IFFO2: variants seen among roughly 807,000 people sequenced by gnomAD.
The protein encoded by IFFO2 is intermediate filament family orphan 2.
A neutral mutation model predicts 53.5 loss-of-function variants in IFFO2; 19 were observed. That is an observed-to-expected ratio of 0.36 (90% confidence interval 0.25 to 0.52). The LOEUF (loss-of-function observed/expected upper bound fraction) is 0.52. Among genes scored for constraint, IFFO2 ranks in the 20% least tolerant of loss-of-function variants. The pLI, the probability that IFFO2 is intolerant of heterozygous loss-of-function variation, is 0.94. For synonymous variants in IFFO2, 303 were observed against 313.6 expected (o/e 0.97, Z 0.36); for missense variants, 570 against 727.4 (o/e 0.78, Z 2.49).
Position 18,911,952 on chromosome 1 carries a change from G to C in IFFO2, c.1224+11C>G. The C allele has an allele frequency of 1.3e-6, 2 of 1,551,478 alleles. No homozygotes were observed. Among genetic ancestry groups the C allele is most frequent in the South Asian group, 1.2e-5 (1 of 84,058 alleles). On this transcript the variant is annotated intron_variant, in intron 6 of 8. Coordinates refer to ENST00000455833, the MANE Select transcript of IFFO2 (RefSeq NM_001136265.2). ...AGTCCTGGCCTTTGGGAAGCCAGGC[G>C]CTGGGCTTACCTCGCCCTGCAGGTC...
At chr1:18,944,879 G>A (rs1936566471) in intron 1 of IFFO2, among the ~76,000 whole-genome samples, 1 of 152,200 alleles carries the variant, frequency 6.6e-6, no homozygotes, top group African/African-American at 2.4e-5. Context: ...AGAAAGGAAA[G>A]AGGGAGAGGA....
At chr1:18,929,132 G>A (rs1368026037) in intron 1 of IFFO2, among the ~76,000 whole-genome samples, 2 of 152,198 alleles carry the variant, frequency 1.3e-5, no homozygotes, top group Admixed American at 1.3e-4. Context: ...AAGGGCAGGT[G>A]AGCTGAGAAA....
At chr1:18,946,102 G>A (rs1936584183) in intron 1 of IFFO2, among the ~76,000 whole-genome samples, 1 of 152,192 alleles carries the variant, frequency 6.6e-6, no homozygotes, top group African/African-American at 2.4e-5. Flanking sequence ...GGAGCTTCAA[G>A]GAGCTTCAGC....
chr1:18,940,959 T>A (rs1487167210), intron 1 of IFFO2, among the ~76,000 whole-genome samples: 2 of 152,184 alleles, frequency 1.3e-5, no homozygotes. Context: ...GAATTCCCTT[T>A]CCAAAGCTGG....
At chr1:18,937,071 C>T (rs1557646851) in intron 1 of IFFO2, among the ~76,000 whole-genome samples, 1 of 152,162 alleles carries the variant, frequency 6.6e-6, no homozygotes, top group African/African-American at 2.4e-5. Context: ...GTCCAAGGTC[C>T]CACACAGGCA....
intron 1 of IFFO2, among the ~76,000 whole-genome samples, chr1:18,941,999 A>C (rs1331524201): frequency 6.6e-6 from 1 of 152,174 alleles, no homozygotes; most frequent in Non-Finnish European, 1.5e-5. Context: ...AAGAGAGGGG[A>C]CATGACCTCC....
Position 18,949,597 on chromosome 1 carries a change from G to A in IFFO2, c.665+6071C>T, listed in dbSNP as rs556359827. The stretch of plus-strand genomic sequence containing the variant: ...AAATGCAAAGCCCACAGCCTCCGGT[G>A]TCACTGACACATGGCACAGTTTAAA... On this transcript the variant is annotated intron_variant, in intron 1 of 8. Transcript: ENST00000455833. Among the ~76,000 whole-genome samples, 71 of 152,372 alleles carry A rather than the reference G, an allele frequency of 4.7e-4. 1 individual carries two copies. The highest frequency in any genetic ancestry group is 6.8e-3 in the Middle Eastern group (2 of 294).
chr1:18,934,181 C>T (rs536908201), intron 1 of IFFO2, among the ~76,000 whole-genome samples: 2 of 151,026 alleles, frequency 1.3e-5, no homozygotes, highest in African/African-American at 4.9e-5. Context: ...AATCCCCCTG[C>T]CTCAGCCTCT....
In IFFO2 at chr1:18,908,482, C is replaced by T. The variant is rs1047640163; in HGVS notation, c.*79G>A. The T allele has an allele frequency of 2.6e-5, 28 of 1,078,980 alleles. No homozygotes were observed. The highest frequency in any genetic ancestry group is 6.3e-5 in the African/African-American group (4 of 63,680). 66.8% of individuals were successfully genotyped at this position (1,078,980 alleles called of 1,614,324 possible). ...TGTGGTGTGGCTTCGAACCCCACTC[C>T]GAGGGGCCTTCCTGGCCCCATGAGG... On this transcript the variant is annotated 3_prime_UTR_variant, in exon 9 of 9. Transcript: ENST00000455833.
At position 18,918,075 on chromosome 1, in the gene IFFO2, G is replaced by T. The variant is rs551179672; in HGVS notation, c.963+287C>A. Reference sequence around the variant, plus strand: ...GGGCTGGTGAACCAAGCCCTGGAGGGGCAGGAGACTGATTTCTGCCACTTC... The same window carrying T: ...GGGCTGGTGAACCAAGCCCTGGAGGTGCAGGAGACTGATTTCTGCCACTTC... On this transcript the variant is annotated intron_variant, in intron 4 of 8. Transcript: ENST00000455833. This position sits in a 1 kb window ranked among gnomAD's most constrained non-coding sequence, Gnocchi z 5.2. Among the ~76,000 whole-genome samples, 4 of 152,322 alleles carry T rather than the reference G, an allele frequency of 2.6e-5. No homozygotes were observed. The South Asian group carries it at 6.2e-4, about 24-fold the overall frequency.
chr1:18,926,000 A>ATGGATGGATTGGTTGG (rs1557643259), intron 1 of IFFO2, among the ~76,000 whole-genome samples: 1 of 9,184 alleles, frequency 1.1e-4, no homozygotes, highest in Non-Finnish European at 2.3e-4. Context: ...GGATGGATGG[A>ATGGATGGATTGGTTGG]TTGGTTGGAT....
rs922829997 is a variant in IFFO2 at position 18,918,777 on chromosome 1, TCC to T, written c.823-277_823-276del. On this transcript the variant is annotated intron_variant, in intron 3 of 8. Coordinates refer to ENST00000455833, the MANE Select transcript of IFFO2 (RefSeq NM_001136265.2). The surrounding 1 kb of genome is among the most constrained non-coding windows in gnomAD (Gnocchi z 5.2). ...AGGCATCCTCCCAGCAGACACAGGG[TCC>T]GTGTTCACTTTGTTAGAGCGAAGAA... Among the ~76,000 whole-genome samples the T allele has an allele frequency of 6.6e-6, 1 of 151,896 alleles. No individual in the cohort carries two copies. Among genetic ancestry groups the T allele is most frequent in the Non-Finnish European group, 1.5e-5 (1 of 67,964 alleles).
At position 18,905,003 on chromosome 1, in the gene IFFO2, C is replaced by T. The variant is rs568029008; in HGVS notation, c.*3558G>A. 6.6e-6 allele frequency: 1 copy of T among 152,416 alleles called. No individual in the cohort carries two copies. The highest frequency in any genetic ancestry group is 1.9e-4 in the East Asian group (1 of 5,184). The allele number at this position is 152,416 out of a possible 1,614,324, so 9.4% of individuals were successfully genotyped here. A position where few individuals can be genotyped will look rare whatever the true frequency, so the allele number is the denominator to read the frequency against. On this transcript the variant is annotated 3_prime_UTR_variant, in exon 9 of 9. Transcript: ENST00000455833. ...ACTGTCACCCATGCTCTGCTGCCTC[C>T]CAACCCTCTCCCAACGCAACTGGGT...
chr1:18,944,296 G>A (rs1424033080), intron 1 of IFFO2, among the ~76,000 whole-genome samples: 1 of 152,200 alleles, frequency 6.6e-6, no homozygotes, highest in Non-Finnish European at 1.5e-5. Context: ...AGATGAGCTT[G>A]AAGGGTACCT....
At chr1:18,912,195 T>C in intron 5 of IFFO2, 112 bp from the exon 6 acceptor site, 6 of 1,335,864 alleles carry the variant, frequency 4.5e-6, no homozygotes, top group Non-Finnish European at 6.1e-6. Flanking sequence ...AAGGCTGTCC[T>C]CAGGAAAGAC....
intron 1 of IFFO2, among the ~76,000 whole-genome samples, chr1:18,934,362 G>A (rs1310136890): frequency 6.6e-6 from 1 of 152,102 alleles, no homozygotes; most frequent in Non-Finnish European, 1.5e-5. Context: ...GTGAGCCACC[G>A]CGCCCAGCCT....
Position 18,927,031 on chromosome 1 carries a change from A to G in IFFO2, c.666-5910T>C, listed in dbSNP as rs190506395. Among the ~76,000 whole-genome samples the G allele has an allele frequency of 1.9e-3, 282 of 152,270 alleles. 1 individual carries two copies. The highest frequency in any genetic ancestry group is 6.6e-3 in the African/African-American group (275 of 41,554). On this transcript the variant is annotated intron_variant, in intron 1 of 8. Coordinates refer to ENST00000455833, the MANE Select transcript of IFFO2 (RefSeq NM_001136265.2). The stretch of plus-strand genomic sequence containing the variant: ...TGCCCCATCACTTCCCAGTTGCGTG[A>G]TCTTGAGCAAGTCAGTTACCCTCTC...
intron 2 of IFFO2, 65 bp downstream of exon 2, chr1:18,920,996 T>C: frequency 1.4e-6 from 2 of 1,417,246 alleles, no homozygotes; most frequent in Admixed American, 2.0e-5. Context: ...GCATGAAGAC[T>C]GTGCCCCTTG....
At chr1:18,920,781 G>T (rs552111821) in intron 2 of IFFO2, among the ~76,000 whole-genome samples, 12 of 152,324 alleles carry the variant, frequency 7.9e-5, no homozygotes, top group Non-Finnish European at 1.8e-4. Flanking sequence ...CTGGTCCCAG[G>T]TCATACAGCA....
Sources: gnomAD v4.1 joint callset for allele counts (sites outside exome capture counted in the v4.1 genomes callset) on GRCh38, gnomAD v4.1.1 for gene constraint, Gnocchi (gnomAD v3.1) non-coding constraint, MANE v1.5 for transcripts, NCBI Gene and HGNC (gene_info 2026-07-23, HGNC 2026-07-21) for gene names.